PARD3B: variants seen among roughly 807,000 people sequenced by gnomAD.
PARD3B encodes the protein par-3 family cell polarity regulator beta.
Under a neutral mutation model 130.2 loss-of-function variants are expected in PARD3B, and 103 were observed. The ratio of observed to expected loss-of-function variants is 0.79; its 90% confidence interval spans 0.67 to 0.93. The LOEUF is 0.93. Among genes scored for constraint, PARD3B ranks in the 40% least tolerant of loss-of-function variants. The probability of loss-of-function intolerance (pLI) is 0.00; values close to 1 mark genes in which losing one functional copy is unlikely to be tolerated. For missense variants in PARD3B, 1,609 were observed against 1,499.2 expected (o/e 1.07, Z -1.21); for synonymous variants, 583 against 553.2 (o/e 1.05, Z -0.76).
intron 16 of PARD3B, among the ~76,000 whole-genome samples, chr2:205,247,411 T>G (rs2039617400): frequency 6.6e-6 from 1 of 152,174 alleles, no homozygotes; most frequent in South Asian, 2.1e-4. Flanking sequence ...GTGCAAAATT[T>G]GAAATAATAA....
intron 2 of PARD3B, among the ~76,000 whole-genome samples, chr2:204,838,522 G>A (rs963342050): frequency 3.9e-5 from 6 of 151,974 alleles, no homozygotes; most frequent in Non-Finnish European, 8.8e-5. Flanking sequence ...GCTGCATCAG[G>A]TTTTGAGTCA....
At chr2:205,587,270 A>G (rs779273128) in intron 22 of PARD3B, among the ~76,000 whole-genome samples, 2 of 152,236 alleles carry the variant, frequency 1.3e-5, no homozygotes, top group Non-Finnish European at 2.9e-5. Context: ...TTCGTAAGCC[A>G]CAATTATATT....
intron 18 of PARD3B, among the ~76,000 whole-genome samples, chr2:205,400,560 G>GA (rs1284858449): frequency 2.0e-5 from 3 of 151,918 alleles, no homozygotes; most frequent in Non-Finnish European, 4.4e-5. Flanking sequence ...AGAATCGCTT[G>GA]AACCCCGGGT....
chr2:204,707,994 C>A (rs1310130821), intron 2 of PARD3B, among the ~76,000 whole-genome samples: 1 of 151,990 alleles, frequency 6.6e-6, no homozygotes, highest in Non-Finnish European at 1.5e-5. Context: ...GACTTCATCT[C>A]TTGGTCAGTA....
chr2:204,859,640 A>C (rs1166771886), intron 2 of PARD3B, among the ~76,000 whole-genome samples: 1 of 152,210 alleles, frequency 6.6e-6, no homozygotes, highest in African/African-American at 2.4e-5. Flanking sequence ...AGTATAGCAA[A>C]GTCTTCCACA....
intron 1 of PARD3B, among the ~76,000 whole-genome samples, chr2:204,599,862 A>C (rs1396045892): frequency 2.7e-5 from 4 of 150,754 alleles, no homozygotes; most frequent in Non-Finnish European, 5.9e-5. Context: ...TTTAATTTTT[A>C]TTTTTTGATT....
chr2:204,841,584 A>G (rs753959436), intron 2 of PARD3B, among the ~76,000 whole-genome samples: 15 of 152,102 alleles, frequency 9.9e-5, no homozygotes, highest in Non-Finnish European at 1.8e-4. Context: ...TTTATATCTG[A>G]AGATGCAGGT....
At chr2:204,726,344 C>A (rs1346474358) in intron 2 of PARD3B, among the ~76,000 whole-genome samples, 2 of 152,128 alleles carry the variant, frequency 1.3e-5, no homozygotes, top group Non-Finnish European at 2.9e-5. Context: ...CCTCACTCAT[C>A]CCTGATCTCA....
chr2:204,941,612 T>G (rs1383851904), intron 2 of PARD3B, among the ~76,000 whole-genome samples: 2 of 152,162 alleles, frequency 1.3e-5, no homozygotes, highest in Non-Finnish European at 2.9e-5. Flanking sequence ...CAAGGTAATG[T>G]TGGAGTTCTT....
At chr2:204,865,081 C>T (rs1248174144) in intron 2 of PARD3B, among the ~76,000 whole-genome samples, 1 of 152,024 alleles carries the variant, frequency 6.6e-6, no homozygotes, top group African/African-American at 2.4e-5. Flanking sequence ...TATGATATCA[C>T]ACCACCTCAC....
chr2:204,860,895 T>C (rs1305638879), intron 2 of PARD3B, among the ~76,000 whole-genome samples: 1 of 152,236 alleles, frequency 6.6e-6, no homozygotes, highest in Non-Finnish European at 1.5e-5. Context: ...GCAGTGGTTC[T>C]TGTTTAGCAT....
At chr2:205,587,493 A>G (rs1402458539) in intron 22 of PARD3B, among the ~76,000 whole-genome samples, 1 of 152,160 alleles carries the variant, frequency 6.6e-6, no homozygotes, top group African/African-American at 2.4e-5. Flanking sequence ...CATCAGAAAT[A>G]GTTTATACTC....
At chr2:205,594,322 A>T (rs1482007772) in intron 22 of PARD3B, among the ~76,000 whole-genome samples, 1 of 152,130 alleles carries the variant, frequency 6.6e-6, no homozygotes, top group Non-Finnish European at 1.5e-5. Flanking sequence ...TTTATTTTTT[A>T]AGATGTAAAT....
intron 20 of PARD3B, among the ~76,000 whole-genome samples, chr2:205,476,085 C>T (rs946539489): frequency 6.6e-6 from 1 of 152,096 alleles, no homozygotes; most frequent in Non-Finnish European, 1.5e-5. Flanking sequence ...TTATTAAATG[C>T]TCTAGGAGTA....
chr2:204,547,851 G>A (rs1035456843), intron 1 of PARD3B, among the ~76,000 whole-genome samples: 3 of 152,100 alleles, frequency 2.0e-5, no homozygotes, highest in African/African-American at 4.8e-5. Context: ...ATCTTAAAAG[G>A]TGTTAAAATA....
chr2:205,166,999 G>GC (rs1228143351), intron 11 of PARD3B, among the ~76,000 whole-genome samples: 1 of 152,156 alleles, frequency 6.6e-6, no homozygotes, highest in African/African-American at 2.4e-5. Flanking sequence ...GGGAAAGCCA[G>GC]CCCACTTTCT....
At chr2:204,666,710 T>C (rs2036039885) in intron 1 of PARD3B, among the ~76,000 whole-genome samples, 1 of 152,068 alleles carries the variant, frequency 6.6e-6, no homozygotes, top group African/African-American at 2.4e-5. Context: ...ACTATCACCA[T>C]TTGCTATGAA....
At chr2:205,544,595 G>T (rs2052306248) in intron 21 of PARD3B, among the ~76,000 whole-genome samples, 1 of 152,120 alleles carries the variant, frequency 6.6e-6, no homozygotes. Context: ...TTTATTTTCT[G>T]CTAAGACAAT....
intron 3 of PARD3B, among the ~76,000 whole-genome samples, chr2:204,980,520 A>C (rs1692569557): frequency 6.6e-6 from 1 of 152,204 alleles, no homozygotes; most frequent in South Asian, 2.1e-4. Context: ...GAGTGAATCC[A>C]CAGTAGAGAA....
Sources: allele counts gnomAD v4.1 joint callset (sites outside exome capture counted in the v4.1 genomes callset), GRCh38; gene constraint gnomAD v4.1.1; transcripts MANE v1.5; gene names NCBI Gene and HGNC (gene_info 2026-07-23, HGNC 2026-07-21).